The following CSMD1 variants were observed in gnomAD, a reference collection of about 807,000 sequenced individuals.
CSMD1 encodes CUB and sushi domain-containing protein 1.
CSMD1 carries 213 observed loss-of-function variants against 417.5 expected under a neutral mutation model. That is an observed-to-expected ratio of 0.51 (90% CI 0.46 to 0.57). The LOEUF is 0.57. Ranked by LOEUF, CSMD1 falls within the 20% of genes least tolerant of loss-of-function variation. The pLI, the probability that CSMD1 is intolerant of heterozygous loss-of-function variation, is 0.00. For synonymous variants in CSMD1, 2,862 were observed against 1,736.8 expected, an observed-to-expected ratio of 1.65 and a Z score of -16.11; for missense variants, 6,923 against 4,529.7, an observed-to-expected ratio of 1.53 and a Z score of -15.17.
chr8:4,631,487 G>C (rs532192237), intron 2 of CSMD1, among the ~76,000 whole-genome samples: 10 of 151,148 alleles, frequency 6.6e-5, no homozygotes, highest in South Asian at 2.1e-4. Context: ...GCAGAATTTA[G>C]GCAATGCTAG....
chr8:4,574,778 C>A (rs903354038), intron 2 of CSMD1, among the ~76,000 whole-genome samples: 1 of 152,186 alleles, frequency 6.6e-6, no homozygotes, highest in South Asian at 2.1e-4. Context: ...GAAAGCAACA[C>A]TCATAGTTTC....
At chr8:3,909,947 C>T (rs544033770) in intron 5 of CSMD1, among the ~76,000 whole-genome samples, 29 of 152,176 alleles carry the variant, frequency 1.9e-4, no homozygotes, top group Middle Eastern at 3.4e-3. Context: ...GAAAAAATGG[C>T]TTTTTGACTG....
At chr8:3,500,784 G>T (rs569085815) in intron 10 of CSMD1, among the ~76,000 whole-genome samples, 5 of 152,322 alleles carry the variant, frequency 3.3e-5, no homozygotes, top group Non-Finnish European at 5.9e-5. Flanking sequence ...CAGCAGAGTT[G>T]TAGGCATGGA....
rs562458922 is a variant in CSMD1 at position 3,798,760 on chromosome 8, AT to A, written c.819-44719del. 3.3e-3 allele frequency among the ~76,000 whole-genome samples: 503 copies of A among 151,998 alleles called. 3 individuals are homozygous for A. The highest frequency in any genetic ancestry group is 0.011 in the African/African-American group (439 of 41,480). Reference sequence around the variant, plus strand: ...TGTCACTATAGATCAGTATTTAGAAATTTTTTTTACTATGTTTGTATTTAAT... The same window carrying A: ...TGTCACTATAGATCAGTATTTAGAAATTTTTTTACTATGTTTGTATTTAAT... On this transcript the variant is annotated intron_variant, in intron 5 of 69. Transcript: ENST00000635120.
At chr8:4,067,627 T>C (rs1414190880) in intron 3 of CSMD1, among the ~76,000 whole-genome samples, 1 of 152,190 alleles carries the variant, frequency 6.6e-6, no homozygotes, top group East Asian at 1.9e-4. Flanking sequence ...AAAATGACCC[T>C]ACATAAACTG....
chr8:4,427,819 T>C (rs1473077218), intron 2 of CSMD1, among the ~76,000 whole-genome samples: 3 of 152,198 alleles, frequency 2.0e-5, no homozygotes, highest in African/African-American at 7.2e-5. Context: ...TATATGCATG[T>C]TTAACCTATT....
intron 1 of CSMD1, among the ~76,000 whole-genome samples, chr8:4,906,046 T>A (rs892334507): frequency 6.6e-6 from 1 of 151,986 alleles, no homozygotes; most frequent in South Asian, 2.1e-4. Context: ...TTAAAAAATA[T>A]ACTGTAAGAA....
intron 2 of CSMD1, among the ~76,000 whole-genome samples, chr8:4,479,901 G>C (rs1030214687): frequency 6.6e-6 from 1 of 151,616 alleles, no homozygotes; most frequent in African/African-American, 2.4e-5. Context: ...GGGAGGCAGA[G>C]GTTGCAGTGA....
chr8:4,224,848 G>A (rs1801250249), intron 3 of CSMD1, among the ~76,000 whole-genome samples: 2 of 152,162 alleles, frequency 1.3e-5, no homozygotes, highest in Non-Finnish European at 2.9e-5. Flanking sequence ...TGTGGCTCAC[G>A]CCTGTCATCC....
At position 3,744,869 on chromosome 8, in the gene CSMD1, A is replaced by G. The variant is rs142650438; in HGVS notation, c.931+9061T>C. ...TCTGATAAATGCTCATCACAGATAG[A>G]GTAAGGGATGGTGTTCAAACATGCT... On this transcript the variant is annotated intron_variant, in intron 6 of 69. Coordinates refer to ENST00000635120, the MANE Select transcript of CSMD1 (RefSeq NM_033225.6). 1.4e-4 allele frequency among the ~76,000 whole-genome samples: 21 copies of G among 152,278 alleles called. No homozygotes were observed. In the East Asian group the frequency reaches 3.9e-3, roughly 28 times the overall value.
chr8:3,523,846 T>C (rs1013043026), intron 10 of CSMD1, among the ~76,000 whole-genome samples: 1 of 122,208 alleles, frequency 8.2e-6, no homozygotes, highest in African/African-American at 3.3e-5. Context: ...CAGAGACACA[T>C]GTGCATGCGC....
At chr8:4,005,083 G>C (rs1816001756) in intron 4 of CSMD1, among the ~76,000 whole-genome samples, 1 of 152,124 alleles carries the variant, frequency 6.6e-6, no homozygotes, top group South Asian at 2.1e-4. Flanking sequence ...TGGGAGCCAA[G>C]CTATGAGGAT....
chr8:4,804,278 T>A lies in CSMD1; in HGVS notation c.86-166720A>T, dbSNP rs1193471371. 2.0e-5 allele frequency among the ~76,000 whole-genome samples: 3 copies of A among 152,182 alleles called. No homozygotes were observed. In the South Asian group the frequency reaches 6.2e-4, roughly 31 times the overall value. ...AAAATAAGCCTCTAATTATTGAAGC[T>A]GGAAAACCAACAGAGCAGAAGCAAT... On this transcript the variant is annotated intron_variant, in intron 1 of 69. Coordinates refer to ENST00000635120, the MANE Select transcript of CSMD1 (RefSeq NM_033225.6).
intron 11 of CSMD1, among the ~76,000 whole-genome samples, chr8:3,473,718 A>T (rs1166206223): frequency 6.6e-6 from 1 of 152,220 alleles, no homozygotes; most frequent in Non-Finnish European, 1.5e-5. Context: ...ATGATGAAGA[A>T]GATAGATTCC....
chr8:4,299,758 G>A (rs191287579), intron 3 of CSMD1, among the ~76,000 whole-genome samples: 4 of 152,050 alleles, frequency 2.6e-5, no homozygotes, highest in African/African-American at 7.2e-5. Flanking sequence ...AGCCTCCCGA[G>A]TAGCTGAGAT....
intron 3 of CSMD1, among the ~76,000 whole-genome samples, chr8:4,415,527 C>A (rs1796886776): frequency 6.6e-6 from 1 of 152,188 alleles, no homozygotes; most frequent in East Asian, 1.9e-4. Context: ...CTCTTCCGCC[C>A]TGTTTTATAA....
Position 4,715,083 on chromosome 8 carries a change from A to G in CSMD1, c.86-77525T>C, listed in dbSNP as rs147035698. Among the ~76,000 whole-genome samples, 10 of 152,304 alleles carry G rather than the reference A, an allele frequency of 6.6e-5. No homozygotes were observed. In the East Asian group the frequency reaches 1.9e-3, roughly 29 times the overall value. ...ATTTAAGTCCAGATAATTATCCAAA[A>G]ACACTCCAGTCCTCTCATCACTTAT... On this transcript the variant is annotated intron_variant, in intron 1 of 69. Coordinates refer to ENST00000635120, the MANE Select transcript of CSMD1 (RefSeq NM_033225.6).
At chr8:3,493,874 G>A (rs1390231144) in intron 10 of CSMD1, 148 bp from the exon 11 acceptor site, 15 of 548,820 alleles carry the variant, frequency 2.7e-5, no homozygotes, top group Admixed American at 2.4e-4. Context: ...GTAGTTACAT[G>A]GATAATTATA....
intron 3 of CSMD1, among the ~76,000 whole-genome samples, chr8:4,301,610 C>T (rs1037800596): frequency 6.6e-6 from 1 of 152,190 alleles, no homozygotes; most frequent in African/African-American, 2.4e-5. Flanking sequence ...ATAAGCTGAA[C>T]CAGTCATCAT....
Sources: allele counts gnomAD v4.1 joint callset (sites outside exome capture counted in the v4.1 genomes callset), GRCh38; gene constraint gnomAD v4.1.1; transcripts MANE v1.5; gene names NCBI Gene and HGNC (gene_info 2026-07-23, HGNC 2026-07-21).